ARID3A: variants seen among roughly 807,000 people sequenced by gnomAD.
ARID3A encodes AT-rich interaction domain 3A, also known as AT-rich interactive domain-containing protein 3A.
A neutral mutation model predicts 52.7 loss-of-function variants in ARID3A; 11 were observed. That is an observed-to-expected ratio of 0.21 (90% CI 0.13 to 0.35). ARID3A has a LOEUF of 0.35. Ranked by LOEUF, ARID3A falls within the 10% of genes least tolerant of loss-of-function variation. The pLI is 1.00. For missense variants in ARID3A, 721 were observed against 838.5 expected (o/e 0.86, Z 1.73); for synonymous variants, 404 against 359.4 (o/e 1.12, Z -1.40).
intron 4 of ARID3A, among the ~76,000 whole-genome samples, chr19:962,220 CAGAG>C (rs1202991436): frequency 6.6e-6 from 1 of 152,140 alleles, no homozygotes; most frequent in Non-Finnish European, 1.5e-5. Context: ...TCACTCCAGA[CAGAG>C]AGAAATAATT....
intron 4 of ARID3A, chr19:961,887 C>G (rs1291981002): frequency 6.6e-6 from 1 of 152,256 alleles, no homozygotes; most frequent in Non-Finnish European, 1.5e-5. Flanking sequence ...GCACTGCACT[C>G]TAGCCTGGGT....
rs766789167 is a variant in ARID3A at position 960,101 on chromosome 19, C to T, written c.703C>T (p.Leu235Phe). 6.2e-7 allele frequency: 1 copy of T among 1,613,084 alleles called. No homozygotes were observed. The highest frequency in any genetic ancestry group is 8.5e-7 in the Non-Finnish European group (1 of 1,179,470). ...CTCTCCACCCTCACAGCTCTACGAACTCGACGGGGACCCCAAGAGGAAGGA... is the reference window on the plus strand; with the variant it reads ...CTCTCCACCCTCACAGCTCTACGAATTCGACGGGGACCCCAAGAGGAAGGA... ...YEEQFKQLYE[L>F]DGDPKRKEFL... is the part of the protein sequence containing the mutation. The change falls in exon 4 of 9, where the codon CTC becomes TTC. Residue 235 changes from leucine to phenylalanine, a missense_variant. Transcript: ENST00000263620. The surrounding 1 kb of genome is among the most constrained non-coding windows in gnomAD (Gnocchi z 4.3).
intron 2 of ARID3A, among the ~76,000 whole-genome samples, chr19:931,996 AT>A (rs2145353836): frequency 6.6e-6 from 1 of 150,770 alleles, no homozygotes; most frequent in African/African-American, 2.4e-5. Context: ...TGCCGTAATG[AT>A]TCCCTTTTTT....
intron 3 of ARID3A, among the ~76,000 whole-genome samples, chr19:936,290 C>A (rs2037437680): frequency 6.6e-6 from 1 of 152,248 alleles, no homozygotes. Context: ...CAGTGGCTCA[C>A]ACCTGTGATC....
At chr19:931,453 A>G (rs1488716876) in intron 2 of ARID3A, among the ~76,000 whole-genome samples, 6 of 134,808 alleles carry the variant, frequency 4.5e-5, no homozygotes, top group African/African-American at 1.8e-4. Flanking sequence ...CTGTGTCTCA[A>G]AAAAAAAAAA....
At position 944,564 on chromosome 19, in the gene ARID3A, C is replaced by A. The variant is rs1306041729; in HGVS notation, c.693+11822C>A. Reference sequence around the variant, plus strand: ...CAAGTGAGCGTCCCCCACCCAGGACCCCCGACCCCGGCCCTGGGAGGGCCC... The same window carrying A: ...CAAGTGAGCGTCCCCCACCCAGGACACCCGACCCCGGCCCTGGGAGGGCCC... On this transcript the variant is annotated intron_variant, in intron 3 of 8. Transcript: ENST00000263620. The surrounding 1 kb of genome is among the most constrained non-coding windows in gnomAD (Gnocchi z 5.9). 1.3e-5 allele frequency among the ~76,000 whole-genome samples: 2 copies of A among 152,116 alleles called. No individual in the cohort carries two copies. Among genetic ancestry groups the A allele is most frequent in the African/African-American group, 2.4e-5 (1 of 41,420 alleles).
rs143163296 is a variant in ARID3A, at chr19:964,984, G to A, written c.1102G>A (p.Gly368Ser). 1.7e-5 allele frequency: 27 copies of A among 1,613,750 alleles called. No individual in the cohort carries two copies. Among genetic ancestry groups the A allele is most frequent in the Admixed American group, 6.7e-5 (4 of 60,006 alleles). ...LFAYSPGGAH[G>S]MLSSPKLPVS... ...TGCCTACTCGCCAGGCGGGGCACAC[G>A]GCATGCTCTCCTCACCCAAGCTACC... is the stretch of plus-strand genomic sequence containing the variant. The change falls in exon 6 of 9, where the codon GGC (glycine) becomes AGC (serine). Residue 368 changes from glycine (G) to serine (S), a missense_variant. Physicochemically the swap from Gly to Ser is moderately conservative, Grantham distance 56 (BLOSUM62 0). Transcript: ENST00000263620. The surrounding 1 kb of genome is among the most constrained non-coding windows in gnomAD (Gnocchi z 5.7).
rs1475545046 is a variant in ARID3A, at chr19:975,518, T to C, written c.*3453T>C. On this transcript the variant is annotated 3_prime_UTR_variant, in exon 9 of 9. Coordinates refer to ENST00000263620, the MANE Select transcript of ARID3A (RefSeq NM_005224.3). ...AAATGTAAACTCAGCCTTTCATTCATGACGTGTGAAATTTCAGTTTCTCTG... is the reference window on the plus strand; with the variant it reads ...AAATGTAAACTCAGCCTTTCATTCACGACGTGTGAAATTTCAGTTTCTCTG... The C allele has an allele frequency of 1.4e-5, 3 of 222,084 alleles. No homozygotes were observed. Among genetic ancestry groups the C allele is most frequent in the Non-Finnish European group, 2.7e-5 (3 of 111,106 alleles). 13.8% of individuals were successfully genotyped at this position (222,084 alleles called of 1,614,324 possible). A position where few individuals can be genotyped will look rare whatever the true frequency, so the allele number is the denominator to read the frequency against.
intron 3 of ARID3A, among the ~76,000 whole-genome samples, chr19:956,036 G>A (rs2037909541): frequency 2.0e-5 from 3 of 152,060 alleles, no homozygotes; most frequent in African/African-American, 4.8e-5. Context: ...CTGTGCGACC[G>A]TCTCCAGTGC....
At chr19:953,203 C>G (rs1450192358) in intron 3 of ARID3A, among the ~76,000 whole-genome samples, 4 of 152,164 alleles carry the variant, frequency 2.6e-5, no homozygotes. Flanking sequence ...TATCTTGCAC[C>G]CTGTCCGCCA....
chr19:974,891 C>G lies in ARID3A; in HGVS notation c.*2826C>G, dbSNP rs2038349814. The G allele has an allele frequency of 4.4e-6, 1 of 227,060 alleles. No individual in the cohort carries two copies. Among genetic ancestry groups the G allele is most frequent in the African/African-American group, 2.2e-5 (1 of 44,928 alleles). The allele number at this position is 227,060 out of a possible 1,614,324, so 14.1% of individuals were successfully genotyped here. On this transcript the variant is annotated 3_prime_UTR_variant, in exon 9 of 9. Transcript: ENST00000263620. ...GGGTGGGTGGGGGGTGGGCGCGAGGCTGGGTCCCGGCCCAGGAGAAGGAAG... is the reference window on the plus strand; with the variant it reads ...GGGTGGGTGGGGGGTGGGCGCGAGGGTGGGTCCCGGCCCAGGAGAAGGAAG...
intron 3 of ARID3A, among the ~76,000 whole-genome samples, chr19:945,910 G>C (rs1250409848): frequency 1.3e-5 from 2 of 152,224 alleles, no homozygotes; most frequent in Admixed American, 1.3e-4. Flanking sequence ...TGCTGGGCAT[G>C]ACACTTCTGA....
chr19:967,430 G>C (rs965165950), intron 7 of ARID3A, among the ~76,000 whole-genome samples: 1 of 151,610 alleles, frequency 6.6e-6, no homozygotes, highest in African/African-American at 2.4e-5. Flanking sequence ...GTGGTGACAC[G>C]CTCCTGTAGC....
At chr19:932,071 C>T (rs1305274017) in intron 2 of ARID3A, among the ~76,000 whole-genome samples, 2 of 152,012 alleles carry the variant, frequency 1.3e-5, no homozygotes, top group Non-Finnish European at 2.9e-5. Flanking sequence ...TCATAGCTCA[C>T]TACAGCCTCC....
intron 4 of ARID3A, among the ~76,000 whole-genome samples, chr19:962,113 C>G (rs542367562): frequency 1.3e-5 from 2 of 152,270 alleles, no homozygotes; most frequent in African/African-American, 4.8e-5. Context: ...CCTTGGCTTC[C>G]TCCAGGAGCT....
chr19:967,490 T>C (rs1238368094), intron 7 of ARID3A, among the ~76,000 whole-genome samples: 1 of 152,218 alleles, frequency 6.6e-6, no homozygotes, highest in East Asian at 1.9e-4. Flanking sequence ...GCCCAGGAAG[T>C]CGAGGCTGCA....
At position 938,632 on chromosome 19, in the gene ARID3A, G is replaced by A. The variant is rs1013087481; in HGVS notation, c.693+5890G>A. Among the ~76,000 whole-genome samples the A allele has an allele frequency of 2.0e-5, 3 of 152,202 alleles. No individual in the cohort carries two copies. The highest frequency in any genetic ancestry group is 4.8e-5 in the African/African-American group (2 of 41,450). The stretch of plus-strand genomic sequence containing the variant: ...TCTGGAATGAAAGTGGTTAGACCAG[G>A]CCAGACCTCAGTGCTGTCCTCATAT... On this transcript the variant is annotated intron_variant, in intron 3 of 8. Coordinates refer to ENST00000263620, the MANE Select transcript of ARID3A (RefSeq NM_005224.3). The surrounding 1 kb of genome is among the most constrained non-coding windows in gnomAD (Gnocchi z 4.0).
At chr19:967,917 T>C (rs8111053) in intron 7 of ARID3A, among the ~76,000 whole-genome samples, 125,381 of 151,696 alleles carry the variant, frequency 0.83, 52,284 homozygotes, top group Middle Eastern at 0.89. Context: ...TGCTGGTGTG[T>C]ACCCATAGTC....
At position 929,969 on chromosome 19, in the gene ARID3A, A is replaced by G. The variant is rs115627636; in HGVS notation, c.368+73A>G. ...TGAGTGTCACTCTGCTCATCTGCAGAATGGGAGTAAGGGTCAGGTCGCGGG... is the reference window on the plus strand; with the variant it reads ...TGAGTGTCACTCTGCTCATCTGCAGGATGGGAGTAAGGGTCAGGTCGCGGG... On this transcript the variant is annotated intron_variant, in intron 2 of 8. Coordinates refer to ENST00000263620, the MANE Select transcript of ARID3A (RefSeq NM_005224.3). The surrounding 1 kb of genome is among the most constrained non-coding windows in gnomAD (Gnocchi z 6.2). 2.0e-6 allele frequency: 3 copies of G among 1,523,030 alleles called. No individual in the cohort carries two copies. Among genetic ancestry groups the G allele is most frequent in the South Asian group, 1.2e-5 (1 of 82,894 alleles). 94.3% of individuals were successfully genotyped at this position (1,523,030 alleles called of 1,614,324 possible).
Sources: allele counts gnomAD v4.1 joint callset (sites outside exome capture counted in the v4.1 genomes callset), GRCh38; gene constraint gnomAD v4.1.1; non-coding constraint Gnocchi (gnomAD v3.1); transcripts MANE v1.5; gene names NCBI Gene and HGNC (gene_info 2026-07-23, HGNC 2026-07-21).